BCKDHA: variants seen among roughly 807,000 people sequenced by gnomAD.
The protein encoded by BCKDHA is 2-oxoisovalerate dehydrogenase subunit alpha, mitochondrial.
A neutral mutation model predicts 52.2 loss-of-function variants in BCKDHA; 43 were observed. The ratio of observed to expected loss-of-function variants is 0.82; its 90% confidence interval spans 0.64 to 1.06. The LOEUF (loss-of-function observed/expected upper bound fraction) is 1.06. Ranked by LOEUF, BCKDHA falls within the 50% of genes least tolerant of loss-of-function variation. The pLI is 0.00. For missense variants in BCKDHA, 527 were observed against 621.3 expected (o/e 0.85, Z 1.61); for synonymous variants, 234 against 247.9 (o/e 0.94, Z 0.53).
At chr19:41,411,357 C>A (rs1415458945) in intron 3 of BCKDHA, among the ~76,000 whole-genome samples, 1 of 152,126 alleles carries the variant, frequency 6.6e-6, no homozygotes, top group African/African-American at 2.4e-5. Flanking sequence ...CAGGGGACCG[C>A]CCTAGGCCCA....
rs1282603630 is a variant in BCKDHA, at chr19:41,423,644, C to A, written c.1167+475C>A. On this transcript the variant is annotated intron_variant, in intron 8 of 8. Coordinates refer to ENST00000269980, the MANE Select transcript of BCKDHA (RefSeq NM_000709.4). ...GTCGGGAGTTTGAGACCAGCCTGGC[C>A]AACATGGTGAAACCTCGTCTCTAAT... Among the ~76,000 whole-genome samples, 6 of 152,282 alleles carry A rather than the reference C, an allele frequency of 3.9e-5. No individual in the cohort carries two copies. The East Asian group carries it at 1.2e-3, about 29-fold the overall frequency.
At chr19:41,410,106 A>T (rs1229940548) in intron 1 of BCKDHA, among the ~76,000 whole-genome samples, 1 of 152,162 alleles carries the variant, frequency 6.6e-6, no homozygotes, top group African/African-American at 2.4e-5. Flanking sequence ...GACTCTTAAG[A>T]GCTCAAAGAC....
Position 41,422,764 on chromosome 19 carries a change from C to G in BCKDHA, c.989C>G (p.Thr330Ser). 6.2e-7 allele frequency: 1 copy of G among 1,613,248 alleles called. No individual in the cohort carries two copies. The highest frequency in any genetic ancestry group is 8.5e-7 in the Non-Finnish European group (1 of 1,180,026). Residue 330 changes from threonine to serine, a missense_variant, in exon 7 of 9, where the codon ACC becomes AGC. Physicochemically the swap from Thr to Ser is moderately conservative, Grantham distance 58. Transcript: ENST00000269980. ...ENQPFLIEAM[T>S]YRIGHHSTSD... The stretch of plus-strand genomic sequence containing the variant: ...CAGCCCTTCCTCATCGAGGCCATGA[C>G]CTACAGGTGCCTGCCGCTCCCCCCG...
chr19:41,402,609 T>TG (rs1162832976), intron 1 of BCKDHA, among the ~76,000 whole-genome samples: 2 of 152,116 alleles, frequency 1.3e-5, no homozygotes, highest in African/African-American at 4.8e-5. Context: ...ATTCAAGTCT[T>TG]GCAACATTCT....
In BCKDHA at chr19:41,401,566, GC is replaced by G. The variant is rs1253445222; in HGVS notation, c.108+3634del. Among the ~76,000 whole-genome samples the G allele has an allele frequency of 8.5e-5, 13 of 152,270 alleles. 1 individual carries two copies. The South Asian group carries it at 2.5e-3, about 29-fold the overall frequency. On this transcript the variant is annotated intron_variant, in intron 1 of 8. Coordinates refer to ENST00000269980, the MANE Select transcript of BCKDHA (RefSeq NM_000709.4). Reference sequence around the variant, plus strand: ...CCACTCCTTCATTGAATACCCTGCTGCCCTGCAGATGTGTTTGCCTGATTTT... The same window carrying G: ...CCACTCCTTCATTGAATACCCTGCTGCCTGCAGATGTGTTTGCCTGATTTT...
chr19:41,400,800 A>G (rs1052791888), intron 1 of BCKDHA, among the ~76,000 whole-genome samples: 4 of 150,948 alleles, frequency 2.6e-5, no homozygotes, highest in Middle Eastern at 3.2e-3. Context: ...GCCTGAGGCC[A>G]GGAGTTCAAG....
At chr19:41,418,213 C>T (rs1258034387) in intron 4 of BCKDHA, among the ~76,000 whole-genome samples, 3 of 152,018 alleles carry the variant, frequency 2.0e-5, no homozygotes, top group Non-Finnish European at 4.4e-5. Context: ...TACTAGAGAG[C>T]TCCCTCTGAA....
intron 6 of BCKDHA, 102 bp from the exon 7 acceptor site, chr19:41,422,527 C>T: frequency 1.3e-6 from 2 of 1,585,518 alleles, no homozygotes; most frequent in Non-Finnish European, 1.7e-6. Flanking sequence ...AGGTCCTGAG[C>T]ACTCAGCCTT....
chr19:41,419,941 G>T (rs560308679), intron 5 of BCKDHA, among the ~76,000 whole-genome samples: 4 of 152,020 alleles, frequency 2.6e-5, no homozygotes, highest in African/African-American at 7.2e-5. Context: ...CTAAATTTTT[G>T]TATTTTTTGT....
At chr19:41,418,891 A>C in intron 4 of BCKDHA, 1 of 525,044 alleles carries the variant, frequency 1.9e-6, no homozygotes, top group Non-Finnish European at 3.5e-6. Context: ...GAATTAGTTG[A>C]AAGCACTTAA....
intron 1 of BCKDHA, 21 bp downstream of exon 1, chr19:41,397,956 C>A: frequency 3.1e-6 from 5 of 1,606,978 alleles, no homozygotes; most frequent in African/African-American, 1.3e-5. Context: ...GGGCCCCAGG[C>A]GGTTTTCCCA....
chr19:41,424,560 C>G lies in BCKDHA; in HGVS notation c.1290C>G (p.His430Gln), dbSNP rs1329036271. Residue 430 changes from histidine to glutamine, a missense_variant, in exon 9 of 9, where the codon CAC becomes CAG. Coordinates refer to ENST00000269980, the MANE Select transcript of BCKDHA (RefSeq NM_000709.4). ...AGCAGCAGGAGTCTCTGGCCCGCCA[C>G]CTGCAGACCTACGGGGAGCACTACC... is the stretch of plus-strand genomic sequence containing the variant. Reference protein sequence around the residue: ...LRKQQESLARHLQTYGEHYPL... With the variant: ...LRKQQESLARQLQTYGEHYPL... 2.5e-6 allele frequency: 4 copies of G among 1,614,050 alleles called. No homozygotes were observed. Among genetic ancestry groups the G allele is most frequent in the Non-Finnish European group, 3.4e-6 (4 of 1,179,938 alleles).
chr19:41,413,208 C>T (rs557203297), intron 3 of BCKDHA, among the ~76,000 whole-genome samples: 6 of 152,198 alleles, frequency 3.9e-5, no homozygotes, highest in Non-Finnish European at 7.3e-5. Flanking sequence ...GTAGGGCTGG[C>T]ACCAGCAGCA....
chr19:41,405,623 C>T (rs541284692), intron 1 of BCKDHA, among the ~76,000 whole-genome samples: 2 of 152,302 alleles, frequency 1.3e-5, no homozygotes, highest in Admixed American at 6.5e-5. Context: ...CGAGGTCTCA[C>T]TATGTTTCCC....
chr19:41,417,364 A>C (rs557384679), intron 4 of BCKDHA, among the ~76,000 whole-genome samples: 1 of 152,060 alleles, frequency 6.6e-6, no homozygotes, highest in Non-Finnish European at 1.5e-5. Context: ...TCCTTCTCAC[A>C]TGGGTGGACC....
At chr19:41,410,097 ACTCTTAAGAG>A in intron 1 of BCKDHA, among the ~76,000 whole-genome samples, 1 of 152,060 alleles carries the variant, frequency 6.6e-6, no homozygotes, top group Non-Finnish European at 1.5e-5. Flanking sequence ...AGGCAGTCTG[ACTCTTAAGAG>A]CTCAAAGACT....
chr19:41,407,086 C>T (rs1381110271), intron 1 of BCKDHA, among the ~76,000 whole-genome samples: 2 of 152,178 alleles, frequency 1.3e-5, no homozygotes, highest in Non-Finnish European at 2.9e-5. Context: ...CTCCTCTTTT[C>T]CCTATCTCAT....
chr19:41,408,008 T>A (rs1290011411), intron 1 of BCKDHA, among the ~76,000 whole-genome samples: 1 of 146,852 alleles, frequency 6.8e-6, no homozygotes, highest in East Asian at 2.0e-4. Context: ...CAGGCTGGAG[T>A]GCAGTGGCAC....
chr19:41,406,546 T>G (rs1202845174), intron 1 of BCKDHA, among the ~76,000 whole-genome samples: 1 of 151,598 alleles, frequency 6.6e-6, no homozygotes, highest in South Asian at 2.1e-4. Flanking sequence ...CTGGACTACA[T>G]GTAAATGCCA....
Sources: allele counts gnomAD v4.1 joint callset (sites outside exome capture counted in the v4.1 genomes callset), GRCh38; gene constraint gnomAD v4.1.1; transcripts MANE v1.5; gene names NCBI Gene and HGNC (gene_info 2026-07-23, HGNC 2026-07-21).